GGACT: variants seen among roughly 807,000 people sequenced by gnomAD.
GGACT encodes gamma-glutamylaminecyclotransferase.
For missense variants in GGACT, 241 were observed against 233.2 expected (o/e 1.03, Z -0.22); for synonymous variants, 118 against 115.3 (o/e 1.02, Z -0.15).
In GGACT at chr13:100,531,140, A is replaced by G. The variant is rs1422128495; in HGVS notation, c.*990T>C. The G allele has an allele frequency of 6.6e-6, 1 of 152,262 alleles. No individual in the cohort carries two copies. Among genetic ancestry groups the G allele is most frequent in the Non-Finnish European group, 1.5e-5 (1 of 68,046 alleles). The allele number at this position is 152,262 out of a possible 1,614,324, so 9.4% of individuals were successfully genotyped here. On this transcript the variant is annotated 3_prime_UTR_variant, in exon 3 of 3. Transcript: ENST00000683975. ...TTTGGTTCTGAAATCCTTGGAATAC[A>G]TTTCAGACTTTGCTGGGAAGCAGAA...
rs1297935979 is a variant in GGACT at position 100,534,176 on chromosome 13, C to A, written c.-10-1575G>T. Reference sequence around the variant, plus strand: ...TTTTGCTCAAGAGGCACGTCTGCTGCCTCTTGGTTCTATCACCAGCCTGTG... The same window carrying A: ...TTTTGCTCAAGAGGCACGTCTGCTGACTCTTGGTTCTATCACCAGCCTGTG... On this transcript the variant is annotated intron_variant, in intron 2 of 2. Coordinates refer to ENST00000683975, the MANE Select transcript of GGACT (RefSeq NM_001195087.2). This position sits in a 1 kb window ranked among gnomAD's most constrained non-coding sequence, Gnocchi z 4.9. Among the ~76,000 whole-genome samples the A allele has an allele frequency of 6.6e-6, 1 of 152,184 alleles. No individual in the cohort carries two copies. The highest frequency in any genetic ancestry group is 1.5e-5 in the Non-Finnish European group (1 of 68,032).
chr13:100,542,818 T>G (rs151245496), intron 2 of GGACT, among the ~76,000 whole-genome samples: 1 of 152,256 alleles, frequency 6.6e-6, no homozygotes, highest in Non-Finnish European at 1.5e-5. Context: ...TTTGAGAAAA[T>G]AAGAAGACTC....
chr13:100,532,659 TG>T, intron 2 of GGACT, 58 bp from the exon 3 acceptor site: 1 of 1,374,362 alleles, frequency 7.3e-7, no homozygotes. Context: ...TGTCTGCACC[TG>T]GGACGTGGCT....
chr13:100,576,905 G>A (rs993475984), intron 2 of GGACT, among the ~76,000 whole-genome samples: 1 of 152,152 alleles, frequency 6.6e-6, no homozygotes, highest in African/African-American at 2.4e-5. Context: ...AAACAAGTTG[G>A]TTTTACTGTA....
At chr13:100,548,988 T>C (rs543679894) in intron 2 of GGACT, among the ~76,000 whole-genome samples, 2 of 152,340 alleles carry the variant, frequency 1.3e-5, no homozygotes, top group East Asian at 3.9e-4. Flanking sequence ...AACTGCAAGA[T>C]GTCAAATTTA....
At chr13:100,584,504 AG>A (rs991685032) in intron 1 of GGACT, among the ~76,000 whole-genome samples, 22 of 152,156 alleles carry the variant, frequency 1.4e-4, no homozygotes, top group Non-Finnish European at 2.6e-4. Context: ...GTTGGGGGAA[AG>A]CAGAGATGGT....
At chr13:100,560,533 T>G (rs1326187383) in intron 2 of GGACT, among the ~76,000 whole-genome samples, 1 of 152,214 alleles carries the variant, frequency 6.6e-6, no homozygotes, top group Non-Finnish European at 1.5e-5. Flanking sequence ...CAACAGGGAA[T>G]GGACAGGGAG....
At position 100,548,846 on chromosome 13, in the gene GGACT, C is replaced by G. The variant is rs377762549; in HGVS notation, c.-10-16245G>C. 1.2e-3 allele frequency among the ~76,000 whole-genome samples: 178 copies of G among 152,376 alleles called. 1 individual carries two copies. Among genetic ancestry groups the G allele is most frequent in the African/African-American group, 4.0e-3 (168 of 41,600 alleles). ...AGGGTGGGATAGACTGCAGGCACAT[C>G]CAGGGGACACAGGGTCCACAGGAGA... On this transcript the variant is annotated intron_variant, in intron 2 of 2. Transcript: ENST00000683975.
At chr13:100,547,091 C>T (rs1158227216) in intron 2 of GGACT, among the ~76,000 whole-genome samples, 2 of 152,308 alleles carry the variant, frequency 1.3e-5, no homozygotes, top group Middle Eastern at 3.4e-3. Context: ...AAACATAGCC[C>T]TGGGGGCACA....
Position 100,532,387 on chromosome 13 carries a change from C to G in GGACT, c.205G>C (p.Ala69Pro), listed in dbSNP as rs1566526755. Reference protein sequence around the residue: ...SGRLVEGEVYAVDERMLRFLD... With the variant: ...SGRLVEGEVYPVDERMLRFLD... The stretch of plus-strand genomic sequence containing the variant: ...AAGCGCAGCATCCGCTCGTCTACCG[C>G]GTAGACCTCGCCCTCCACGAGGCGC... The change falls in exon 3 of 3, where the codon GCG (alanine) becomes CCG (proline). Residue 69 changes from alanine to proline, a missense_variant. By Grantham distance (27) the Ala-to-Pro change is conservative. Transcript: ENST00000683975. The G allele has an allele frequency of 1.9e-6, 3 of 1,550,292 alleles. No homozygotes were observed. Among genetic ancestry groups the G allele is most frequent in the Admixed American group, 2.0e-5 (1 of 50,974 alleles).
At chr13:100,568,871 T>C (rs1371874154) in intron 2 of GGACT, among the ~76,000 whole-genome samples, 2 of 152,222 alleles carry the variant, frequency 1.3e-5, no homozygotes, top group Non-Finnish European at 2.9e-5. Context: ...ATGGGATAAA[T>C]TGGCCAAAAC....
At chr13:100,577,734 T>G (rs1379902810) in intron 2 of GGACT, among the ~76,000 whole-genome samples, 1 of 151,724 alleles carries the variant, frequency 6.6e-6, no homozygotes, top group Non-Finnish European at 1.5e-5. Flanking sequence ...GTTACTATAC[T>G]GTACTTTTGA....
chr13:100,542,371 T>C (rs1397777053), intron 2 of GGACT, among the ~76,000 whole-genome samples: 6 of 152,196 alleles, frequency 3.9e-5, no homozygotes, highest in Non-Finnish European at 1.5e-5. Context: ...ACGCTGGCCT[T>C]ACTCTTAACA....
At chr13:100,557,302 A>C (rs1465826722) in intron 2 of GGACT, among the ~76,000 whole-genome samples, 1 of 152,236 alleles carries the variant, frequency 6.6e-6, no homozygotes, top group Non-Finnish European at 1.5e-5. Flanking sequence ...AGATAACGTG[A>C]TATGGAATTA....
intron 2 of GGACT, among the ~76,000 whole-genome samples, chr13:100,543,777 G>T (rs927332705): frequency 6.6e-5 from 10 of 152,236 alleles, no homozygotes; most frequent in Non-Finnish European, 1.3e-4. Context: ...CACTGGCCAG[G>T]GAGAAATAGT....
chr13:100,569,673 G>A (rs1192604391), intron 2 of GGACT, among the ~76,000 whole-genome samples: 1 of 152,230 alleles, frequency 6.6e-6, no homozygotes, highest in Non-Finnish European at 1.5e-5. Context: ...TGTTACTTAT[G>A]CAAATTTCTG....
At chr13:100,558,703 G>A (rs1187595460) in intron 2 of GGACT, among the ~76,000 whole-genome samples, 1 of 152,190 alleles carries the variant, frequency 6.6e-6, no homozygotes, top group Non-Finnish European at 1.5e-5. Context: ...CATGACTGGA[G>A]GATGCTATGT....
rs796872089 is a variant in GGACT, at chr13:100,532,427, G to T, written c.165C>A (p.His55Gln). 6.5e-6 allele frequency: 10 copies of T among 1,550,040 alleles called. No individual in the cohort carries two copies. The highest frequency in any genetic ancestry group is 5.5e-5 in the African/African-American group (4 of 73,172). ...CCACGAGGCGCCCCGAGCCGGGCAGGTGCAGCAGCCACGGGATGTTGTGCT... is the reference window on the plus strand; with the variant it reads ...CCACGAGGCGCCCCGAGCCGGGCAGTTGCAGCAGCCACGGGATGTTGTGCT... ...AGEHNIPWLL[H>Q]LPGSGRLVEG... is the part of the protein sequence containing the mutation. Residue 55 changes from histidine (H) to glutamine (Q), a missense_variant, in exon 3 of 3, where the codon CAC (histidine) becomes CAA (glutamine). By Grantham distance (24) the His-to-Gln change is conservative (BLOSUM62 0). Transcript: ENST00000683975.
intron 1 of GGACT, among the ~76,000 whole-genome samples, chr13:100,584,846 A>C (rs9557458): frequency 0.25 from 38,057 of 152,160 alleles, 6,001 homozygotes; most frequent in South Asian, 0.44. Flanking sequence ...ACAAATAAGA[A>C]AAGTAAAAAG....
Sources: gnomAD v4.1 joint callset for allele counts (sites outside exome capture counted in the v4.1 genomes callset) on GRCh38, gnomAD v4.1.1 for gene constraint, Gnocchi (gnomAD v3.1) non-coding constraint, MANE v1.5 for transcripts, NCBI Gene and HGNC (gene_info 2026-07-23, HGNC 2026-07-21) for gene names.